The following MRRF variants were observed in gnomAD, a reference collection of about 807,000 sequenced individuals.
MRRF encodes the protein mitochondrial ribosome recycling factor.
Under a neutral mutation model 25.1 loss-of-function variants are expected in MRRF, and 18 were observed. The observed-to-expected ratio is 0.72, with a 90% CI of 0.50 to 1.06. The LOEUF (loss-of-function observed/expected upper bound fraction) is 1.06. Among genes scored for constraint, MRRF ranks in the 50% least tolerant of loss-of-function variants. The probability of loss-of-function intolerance (pLI) is 0.00; values close to 1 mark genes in which losing one functional copy is unlikely to be tolerated. For missense variants in MRRF, 323 were observed against 319.3 expected, an observed-to-expected ratio of 1.01 and a Z score of -0.09; for synonymous variants, 113 against 112.1, an observed-to-expected ratio of 1.01 and a Z score of -0.05.
At chr9:122,300,744 A>G (rs1268139993) in intron 5 of MRRF, among the ~76,000 whole-genome samples, 1 of 151,830 alleles carries the variant, frequency 6.6e-6, no homozygotes, top group African/African-American at 2.4e-5. Flanking sequence ...ATTTTTACAG[A>G]TGGGAGGAGT....
chr9:122,310,175 C>T (rs868451195), intron 5 of MRRF, among the ~76,000 whole-genome samples: 8 of 152,214 alleles, frequency 5.3e-5, no homozygotes, highest in Admixed American at 3.3e-4. Flanking sequence ...AAGGCTCAGA[C>T]GGTTTAAATA....
chr9:122,324,238 A>G lies in MRRF; in HGVS notation c.*1621A>G, dbSNP rs1250317469. The G allele has an allele frequency of 6.6e-6, 1 of 152,138 alleles. No homozygotes were observed. Among genetic ancestry groups the G allele is most frequent in the African/African-American group, 2.4e-5 (1 of 41,424 alleles). The allele number at this position is 152,138 out of a possible 1,614,324, so 9.4% of individuals were successfully genotyped here. A position where few individuals can be genotyped will look rare whatever the true frequency, so the allele number is the denominator to read the frequency against. ...GACCAACTACAAACTAGAGTCCTTG[A>G]TTTCCTTTGGTTCAGTTAATTTCCT... On this transcript the variant is annotated 3_prime_UTR_variant, in exon 7 of 7. Coordinates refer to ENST00000344641, the MANE Select transcript of MRRF (RefSeq NM_138777.5).
In MRRF at chr9:122,322,660, T is replaced by C; in HGVS notation, c.*43T>C. 6.3e-7 allele frequency: 1 copy of C among 1,575,040 alleles called. No homozygotes were observed. Among genetic ancestry groups the C allele is most frequent in the South Asian group, 1.1e-5 (1 of 89,842 alleles). ...CAATACTCCAGAGCCCAGTTTCTGC[T>C]GGATCCCATGGGTGGCACATTGGGA... On this transcript the variant is annotated 3_prime_UTR_variant, in exon 7 of 7. Transcript: ENST00000344641.
intron 4 of MRRF, among the ~76,000 whole-genome samples, chr9:122,289,386 C>T (rs948217408): frequency 1.3e-5 from 2 of 152,108 alleles, no homozygotes; most frequent in Non-Finnish European, 2.9e-5. Flanking sequence ...TCCTGCCCAG[C>T]TTGGTGTCAG....
rs769997516 is a variant in MRRF, at chr9:122,280,577, C to T, written c.319C>T (p.Leu107Phe). 4 of 1,613,948 alleles carry T rather than the reference C, an allele frequency of 2.5e-6. No homozygotes were observed. The Admixed American group carries it at 6.7e-5, about 27-fold the overall frequency. ...EALKDNFNKT[L>F]NIRTSPGSLD... Reference sequence around the variant, plus strand: ...TCTCAAGGATAATTTCAATAAGACTCTCAATATAAGGACCTCACCAGGTTA... The same window carrying T: ...TCTCAAGGATAATTTCAATAAGACTTTCAATATAAGGACCTCACCAGGTTA... The change falls in exon 3 of 7, where the codon CTC (leucine) becomes TTC (phenylalanine). Residue 107 changes from leucine (L) to phenylalanine (F), a missense_variant. Physicochemically the swap from Leu to Phe is conservative, Grantham distance 22 (BLOSUM62 0). Coordinates refer to ENST00000344641, the MANE Select transcript of MRRF (RefSeq NM_138777.5).
In MRRF at chr9:122,328,044, A is replaced by G. The variant is rs2119048541; in HGVS notation, c.*5427A>G. ...GATTTCAGTGGCATGATCTCAGCTC[A>G]CTGTAGCCTTGACAACCTGGGCTGA... On this transcript the variant is annotated 3_prime_UTR_variant, in exon 7 of 7. Coordinates refer to ENST00000344641, the MANE Select transcript of MRRF (RefSeq NM_138777.5). The G allele has an allele frequency of 2.0e-5, 3 of 152,062 alleles. No homozygotes were observed. The highest frequency in any genetic ancestry group is 7.2e-5 in the African/African-American group (3 of 41,462). The allele number at this position is 152,062 out of a possible 1,614,324, so 9.4% of individuals were successfully genotyped here. A position where few individuals can be genotyped will look rare whatever the true frequency, so the allele number is the denominator to read the frequency against.
chr9:122,285,432 C>G, intron 4 of MRRF, 145 bp downstream of exon 4: 1 of 741,870 alleles, frequency 1.3e-6, no homozygotes, highest in Non-Finnish European at 2.5e-6. Context: ...AGGCAAAGCT[C>G]TTTTCCTGTT....
chr9:122,276,892 G>A (rs1392943078), intron 2 of MRRF, among the ~76,000 whole-genome samples: 3 of 152,018 alleles, frequency 2.0e-5, no homozygotes, highest in South Asian at 2.1e-4. Flanking sequence ...TTTTTGAGAC[G>A]GGGTCTTGCC....
chr9:122,289,285 A>G (rs1833603500), intron 4 of MRRF, among the ~76,000 whole-genome samples: 1 of 152,204 alleles, frequency 6.6e-6, no homozygotes. Flanking sequence ...CCAGATCACT[A>G]ATATATTCAA....
chr9:122,290,572 A>G (rs985879357), intron 4 of MRRF, among the ~76,000 whole-genome samples: 2 of 152,238 alleles, frequency 1.3e-5, no homozygotes, highest in Non-Finnish European at 2.9e-5. Flanking sequence ...GAGAACCCAG[A>G]AAAGTAAAAT....
At chr9:122,285,546 G>A in intron 4 of MRRF, 3 of 457,688 alleles carry the variant, frequency 6.6e-6, no homozygotes, top group South Asian at 6.2e-5. Context: ...GAGATGCAGT[G>A]ATTGGTGCTT....
intron 6 of MRRF, among the ~76,000 whole-genome samples, chr9:122,318,831 G>T (rs776557475): frequency 2.0e-5 from 3 of 152,168 alleles, no homozygotes; most frequent in African/African-American, 7.2e-5. Context: ...CTGAGCCTCT[G>T]TTTCTTCATC....
chr9:122,326,748 C>T lies in MRRF; in HGVS notation c.*4131C>T, dbSNP rs1190556989. ...CTAACATTTATTGAATGCCTACAGT[C>T]GGCCAGGTTCCATGCTAGACCCTTT... On this transcript the variant is annotated 3_prime_UTR_variant, in exon 7 of 7. Coordinates refer to ENST00000344641, the MANE Select transcript of MRRF (RefSeq NM_138777.5). The T allele has an allele frequency of 1.3e-5, 2 of 152,118 alleles. No homozygotes were observed. The highest frequency in any genetic ancestry group is 6.5e-5 in the Admixed American group (1 of 15,282). The allele number at this position is 152,118 out of a possible 1,614,324, so 9.4% of individuals were successfully genotyped here.
intron 4 of MRRF, among the ~76,000 whole-genome samples, chr9:122,288,182 G>T (rs993022700): frequency 1.3e-5 from 2 of 151,870 alleles, no homozygotes; most frequent in South Asian, 4.1e-4. Flanking sequence ...GTTAATGATG[G>T]GAAAGAAAAG....
chr9:122,279,474 A>G (rs1832966408), intron 2 of MRRF, among the ~76,000 whole-genome samples: 1 of 152,242 alleles, frequency 6.6e-6, no homozygotes, highest in Non-Finnish European at 1.5e-5. Context: ...GTAGATGTTC[A>G]ACAAAATTTA....
At chr9:122,306,655 T>C (rs1403307043) in intron 5 of MRRF, among the ~76,000 whole-genome samples, 2 of 152,194 alleles carry the variant, frequency 1.3e-5, no homozygotes, top group Non-Finnish European at 2.9e-5. Flanking sequence ...CAGGTTTGCT[T>C]TGACCACCAA....
intron 4 of MRRF, among the ~76,000 whole-genome samples, chr9:122,290,419 G>A (rs954203282): frequency 6.6e-6 from 1 of 152,182 alleles, no homozygotes; most frequent in Non-Finnish European, 1.5e-5. Context: ...TGGCCACAAT[G>A]TTAGATTCTG....
intron 1 of MRRF, among the ~76,000 whole-genome samples, chr9:122,270,291 C>T (rs1329694116): frequency 6.6e-6 from 1 of 152,184 alleles, no homozygotes; most frequent in Non-Finnish European, 1.5e-5. Context: ...TGGCATGTTC[C>T]AGAGCTCTAG....
chr9:122,288,133 A>G (rs367923380), intron 4 of MRRF, among the ~76,000 whole-genome samples: 137 of 152,314 alleles, frequency 9.0e-4, no homozygotes, highest in Non-Finnish European at 1.5e-3. Flanking sequence ...TAAATGATAC[A>G]CATAGTTGCT....
Sources: gnomAD v4.1 joint callset for allele counts (sites outside exome capture counted in the v4.1 genomes callset) on GRCh38, gnomAD v4.1.1 for gene constraint, MANE v1.5 for transcripts, NCBI Gene and HGNC (gene_info 2026-07-23, HGNC 2026-07-21) for gene names.